The following C1orf35 variants were observed in gnomAD, a reference collection of about 807,000 sequenced individuals.
C1orf35 encodes the protein multiple myeloma tumor-associated protein 2.
In C1orf35, 36 loss-of-function variants were observed where a neutral mutation model predicts 30.9. The observed-to-expected ratio is 1.16, with a 90% CI of 0.89 to 1.54. The LOEUF is 1.54. C1orf35 is among the 40% of genes most tolerant of loss of function. The pLI is 0.00. For missense variants in C1orf35, 396 were observed against 358.7 expected, an observed-to-expected ratio of 1.10 and a Z score of -0.84; for synonymous variants, 179 against 148.2, an observed-to-expected ratio of 1.21 and a Z score of -1.51.
intron 2 of C1orf35, 82 bp downstream of exon 2, chr1:228,102,816 GA>G (rs1402476617): frequency 1.0e-5 from 3 of 294,048 alleles, no homozygotes; most frequent in Admixed American, 7.6e-5. Flanking sequence ...CGCCCAGCCC[GA>G]CCCCCAGTCC....
Position 228,102,518 on chromosome 1 carries a change from C to T in C1orf35, c.334G>A (p.Glu112Lys), listed in dbSNP as rs768840354. Residue 112 changes from glutamate (E) to lysine (K), a missense_variant, in exon 4 of 8, where the codon GAG becomes AAG. Coordinates refer to ENST00000272139, the MANE Select transcript of C1orf35 (RefSeq NM_024319.4). ...VCKREGGDPE[E>K]KGVDRLLGLG... is the part of the protein sequence containing the mutation. ...CCCAGCAGCCGGTCCACGCCCTTCTCCTCGGGGTCGCCTCCTTCCCGCTTG... is the reference window on the plus strand; with the variant it reads ...CCCAGCAGCCGGTCCACGCCCTTCTTCTCGGGGTCGCCTCCTTCCCGCTTG... 94 of 1,558,108 alleles carry T rather than the reference C, an allele frequency of 6.0e-5. No homozygotes were observed. In the East Asian group the frequency reaches 2.0e-3, roughly 33 times the overall value.
chr1:228,101,640 G>A (rs2032949176), intron 6 of C1orf35, 167 bp from the exon 7 acceptor site: 14 of 1,468,530 alleles, frequency 9.5e-6, no homozygotes, highest in South Asian at 2.8e-5. Context: ...GTGGCCAGTG[G>A]CTACGTGGGT....
intron 6 of C1orf35, chr1:228,101,743 A>G (rs1571849465): frequency 5.1e-5 from 72 of 1,410,232 alleles, no homozygotes; most frequent in Non-Finnish European, 6.5e-5. Flanking sequence ...ACCTGCACCC[A>G]CCAGGCCACT....
At position 228,103,126 on chromosome 1, in the gene C1orf35, G is replaced by A; in HGVS notation, c.94+8C>T. On this transcript the variant is annotated splice_region_variant and intron_variant, in intron 1 of 7. Transcript: ENST00000272139. ...GGAGCCCGGAGCCCGCCCACCGCGC[G>A]CACCCACCCAGGTAGTTCTCCCGCT... is the stretch of plus-strand genomic sequence containing the variant. 2 of 1,609,362 alleles carry A rather than the reference G, an allele frequency of 1.2e-6. No homozygotes were observed. The highest frequency in any genetic ancestry group is 2.2e-5 in the East Asian group (1 of 44,594).
At chr1:228,101,744 C>T in intron 6 of C1orf35, 1 of 1,413,028 alleles carries the variant, frequency 7.1e-7, no homozygotes, top group Non-Finnish European at 9.2e-7. Context: ...CCTGCACCCA[C>T]CAGGCCACTC....
At position 228,103,144 on chromosome 1, in the gene C1orf35, C is replaced by A. The variant is rs1304291929; in HGVS notation, c.84G>T (p.Glu28Asp). The A allele has an allele frequency of 6.2e-7, 1 of 1,611,412 alleles. No homozygotes were observed. The highest frequency in any genetic ancestry group is 1.1e-5 in the South Asian group (1 of 90,786). The change falls in exon 1 of 8, where the codon GAG (glutamate) becomes GAT (aspartate). Residue 28 changes from glutamate (E) to aspartate (D), a missense_variant. Physicochemically the swap from Glu to Asp is conservative, Grantham distance 45 (BLOSUM62 2). Transcript: ENST00000272139. ...WEDVKTDKQR[E>D]NYLGNSLMAP... ...ACCGCGCGCACCCACCCAGGTAGTT[C>A]TCCCGCTGCTTGTCAGTCTTCACGT... is the stretch of plus-strand genomic sequence containing the variant.
In C1orf35 at chr1:228,100,862, T is replaced by G. The variant is rs1191840839; in HGVS notation, c.*269A>C. 5.7e-6 allele frequency: 3 copies of G among 524,712 alleles called. No individual in the cohort carries two copies. Among genetic ancestry groups the G allele is most frequent in the Non-Finnish European group, 6.8e-6 (2 of 292,216 alleles). The allele number at this position is 524,712 out of a possible 1,614,324, so 32.5% of individuals were successfully genotyped here. On this transcript the variant is annotated 3_prime_UTR_variant, in exon 8 of 8. Transcript: ENST00000272139. ...AACCATGGGCAGGACACAGAGGGAGTCCAGCCTCTACTGATAAATCTGGGC... is the reference window on the plus strand; with the variant it reads ...AACCATGGGCAGGACACAGAGGGAGGCCAGCCTCTACTGATAAATCTGGGC...
chr1:228,102,788 T>A (rs564070993), intron 2 of C1orf35, 100 bp from the exon 3 acceptor site: 18 of 1,448,744 alleles, frequency 1.2e-5, no homozygotes, highest in Middle Eastern at 2.5e-4. Flanking sequence ...CCCGCGCGAG[T>A]CCCCGCAGCC....
In C1orf35 at chr1:228,102,629, C is replaced by G; in HGVS notation, c.291+14G>C. 6.2e-7 allele frequency: 1 copy of G among 1,600,034 alleles called. No individual in the cohort carries two copies. The highest frequency in any genetic ancestry group is 1.1e-5 in the South Asian group (1 of 88,998). ...CCCACGGCCCTCCACGCGCCCCCCA[C>G]CCCGGGGAGTTACCTCCTTGCTCAG... On this transcript the variant is annotated intron_variant, in intron 3 of 7. Transcript: ENST00000272139.
In C1orf35 at chr1:228,100,836, C is replaced by G; in HGVS notation, c.*295G>C. The G allele has an allele frequency of 2.2e-6, 1 of 458,698 alleles. No individual in the cohort carries two copies. Among genetic ancestry groups the G allele is most frequent in the Non-Finnish European group, 3.9e-6 (1 of 253,450 alleles). The allele number at this position is 458,698 out of a possible 1,614,324, so 28.4% of individuals were successfully genotyped here. ...ACCGCTCATAGGCCCATGGCTGCTGCAACCATGGGCAGGACACAGAGGGAG... is the reference window on the plus strand; with the variant it reads ...ACCGCTCATAGGCCCATGGCTGCTGGAACCATGGGCAGGACACAGAGGGAG... On this transcript the variant is annotated 3_prime_UTR_variant, in exon 8 of 8. Transcript: ENST00000272139.
In C1orf35 at chr1:228,102,609, G is replaced by A. The variant is rs1317785874; in HGVS notation, c.291+34C>T. On this transcript the variant is annotated intron_variant, in intron 3 of 7. Transcript: ENST00000272139. Reference sequence around the variant, plus strand: ...GCGCTCGAGTCGGCCCCACACCCACGGCCCTCCACGCGCCCCCCACCCCGG... The same window carrying A: ...GCGCTCGAGTCGGCCCCACACCCACAGCCCTCCACGCGCCCCCCACCCCGG... 8.2e-6 allele frequency: 13 copies of A among 1,587,816 alleles called. No individual in the cohort carries two copies. The East Asian group carries it at 1.1e-4, about 14-fold the overall frequency.
chr1:228,101,461 G>T lies in C1orf35; in HGVS notation c.546C>A (p.His182Gln). ...EDQTESSCESHRKSKKEKKKK... is the reference protein window; with the variant it reads ...EDQTESSCESQRKSKKEKKKK... ...TCTTCTTCTCCTTCTTGCTTTTCCT[G>T]TGGCTCTCACAACTACAAGGAGGAT... Residue 182 changes from histidine (H) to glutamine (Q), a missense_variant, in exon 7 of 8, where the codon CAC (histidine) becomes CAA (glutamine). Physicochemically the swap from His to Gln is conservative, Grantham distance 24 (BLOSUM62 0). Transcript: ENST00000272139. 1 of 1,612,486 alleles carries T rather than the reference G, an allele frequency of 6.2e-7. No individual in the cohort carries two copies.
chr1:228,102,716 G>A, intron 2 of C1orf35, 28 bp from the exon 3 acceptor site: 2 of 1,597,438 alleles, frequency 1.3e-6, no homozygotes, highest in Non-Finnish European at 1.7e-6. Context: ...CAGGCGTCAG[G>A]ACGGACGGAC....
chr1:228,101,195 C>T lies in C1orf35; in HGVS notation c.728G>A (p.Arg243Gln), dbSNP rs79502515. Residue 243 changes from arginine to glutamine, a missense_variant, in exon 8 of 8, where the codon CGG (arginine) becomes CAG (glutamine). By Grantham distance (43) the Arg-to-Gln change is conservative. Transcript: ENST00000272139. ...GCTCCTCCTGTCCCCACTGTGTCCCCGCTTCCTCCTCTTACAGCAGGGGGA... is the reference window on the plus strand; with the variant it reads ...GCTCCTCCTGTCCCCACTGTGTCCCTGCTTCCTCCTCTTACAGCAGGGGGA... ...SNSPCCKRRK[R>Q]GHSGDRRSPS... The T allele has an allele frequency of 0.028, 45,370 of 1,614,170 alleles. 776 individuals are homozygous for T. Among genetic ancestry groups the T allele is most frequent in the Non-Finnish European group, 0.034 (40,242 of 1,180,024 alleles).
Position 228,102,532 on chromosome 1 carries a change from C to T in C1orf35, c.320G>A (p.Gly107Glu). ...CACGCCCTTCTCCTCGGGGTCGCCT[C>T]CTTCCCGCTTGCAGACCTCCGCGAA... ...EDFAEVCKREGGDPEEKGVDR... is the reference protein window; with the variant it reads ...EDFAEVCKREEGDPEEKGVDR... The change falls in exon 4 of 8, where the codon GGA (glycine) becomes GAA (glutamate). Residue 107 changes from glycine to glutamate, a missense_variant. Physicochemically the swap from Gly to Glu is moderately conservative, Grantham distance 98 (BLOSUM62 -2). Coordinates refer to ENST00000272139, the MANE Select transcript of C1orf35 (RefSeq NM_024319.4). The T allele has an allele frequency of 6.4e-7, 1 of 1,558,420 alleles. No homozygotes were observed. Among genetic ancestry groups the T allele is most frequent in the Non-Finnish European group, 8.7e-7 (1 of 1,154,948 alleles).
chr1:228,101,174 C>A lies in C1orf35; in HGVS notation c.749G>T (p.Arg250Met), dbSNP rs766316220. ...RRKRGHSGDR[R>M]SPSRRWHDRG... ...GTCATGCCACCTGCGAGACGGGCTCCTCCTGTCCCCACTGTGTCCCCGCTT... is the reference window on the plus strand; with the variant it reads ...GTCATGCCACCTGCGAGACGGGCTCATCCTGTCCCCACTGTGTCCCCGCTT... Residue 250 changes from arginine (R) to methionine (M), a missense_variant, in exon 8 of 8, where the codon AGG becomes ATG. By Grantham distance (91) the Arg-to-Met change is moderately conservative. Transcript: ENST00000272139. 6.2e-7 allele frequency: 1 copy of A among 1,614,126 alleles called. No homozygotes were observed. The highest frequency in any genetic ancestry group is 1.7e-5 in the Admixed American group (1 of 60,038).
At chr1:228,101,786 G>A (rs2032972099) in intron 6 of C1orf35, 1 of 1,411,824 alleles carries the variant, frequency 7.1e-7, no homozygotes, top group Non-Finnish European at 9.2e-7. Context: ...CCATCCAGGA[G>A]AAGCCCTGGA....
rs141956648 is a variant in C1orf35 at position 228,103,193 on chromosome 1, C to T, written c.35G>A (p.Gly12Glu). 3 of 1,611,838 alleles carry T rather than the reference C, an allele frequency of 1.9e-6. No homozygotes were observed. The highest frequency in any genetic ancestry group is 2.5e-6 in the Non-Finnish European group (3 of 1,179,486). ...FGSSRGGVRG[G>E]QDQFNWEDVK... ...GTCCTCCCAGTTGAACTGGTCCTGC[C>T]CGCCGCGCACGCCTCCACGACTGGA... The change falls in exon 1 of 8, where the codon GGG becomes GAG. Residue 12 changes from glycine to glutamate, a missense_variant. Physicochemically the swap from Gly to Glu is moderately conservative, Grantham distance 98. Transcript: ENST00000272139.
intron 6 of C1orf35, 78 bp from the exon 7 acceptor site, chr1:228,101,551 G>C (rs139802675): frequency 6.3e-7 from 1 of 1,578,056 alleles, no homozygotes; most frequent in African/African-American, 1.4e-5. Context: ...GCCCCATCCA[G>C]ATGAAGCCAC....
Sources: gnomAD v4.1 joint callset for allele counts on GRCh38, gnomAD v4.1.1 for gene constraint, MANE v1.5 for transcripts, NCBI Gene and HGNC (gene_info 2026-07-23, HGNC 2026-07-21) for gene names.